Variants in CDK6 observed in about 807,000 individuals in gnomAD.
CDK6 encodes the protein cyclin-dependent kinase 6.
Under a neutral mutation model 37.1 loss-of-function variants are expected in CDK6, and 6 were observed. The ratio of observed to expected loss-of-function variants is 0.16; its 90% CI spans 0.09 to 0.32. CDK6 has a LOEUF of 0.32. Ranked by LOEUF, CDK6 falls within the 10% of genes least tolerant of loss-of-function variation. The probability of loss-of-function intolerance (pLI) is 1.00; values close to 1 mark genes in which losing one functional copy is unlikely to be tolerated. For missense variants in CDK6, 224 were observed against 418.9 expected (o/e 0.53, Z 4.06); for synonymous variants, 160 against 161.3 (o/e 0.99, Z 0.06).
At chr7:92,733,987 C>T (rs1798714253) in intron 3 of CDK6, among the ~76,000 whole-genome samples, 1 of 152,130 alleles carries the variant, frequency 6.6e-6, no homozygotes, top group African/African-American at 2.4e-5. Context: ...TGTGCACCAT[C>T]GTGTCTGGCA....
rs1795527468 is a variant in CDK6, at chr7:92,609,982, C to T, written c.*5158G>A. The T allele has an allele frequency of 8.7e-6, 2 of 229,642 alleles. No homozygotes were observed. The highest frequency in any genetic ancestry group is 1.8e-4 in the South Asian group (1 of 5,496). The allele number at this position is 229,642 out of a possible 1,614,324, so 14.2% of individuals were successfully genotyped here. On this transcript the variant is annotated 3_prime_UTR_variant, in exon 8 of 8. Coordinates refer to ENST00000424848, the MANE Select transcript of CDK6 (RefSeq NM_001145306.2). ...AGAGACTATTAATCATCCCAAAAAA[C>T]AAGTGCTAGGAAAGAGTTAAATATG... is the stretch of plus-strand genomic sequence containing the variant.
chr7:92,667,966 A>G (rs1399453793), intron 5 of CDK6, among the ~76,000 whole-genome samples: 1 of 152,240 alleles, frequency 6.6e-6, no homozygotes, highest in Non-Finnish European at 1.5e-5. Context: ...TACAGTGTTT[A>G]TAAAGTCTAC....
intron 5 of CDK6, among the ~76,000 whole-genome samples, chr7:92,670,874 G>A (rs897575439): frequency 5.3e-5 from 8 of 152,142 alleles, no homozygotes; most frequent in Non-Finnish European, 1.2e-4. Context: ...TGTAATTTCT[G>A]TATCCTTGGT....
intron 3 of CDK6, among the ~76,000 whole-genome samples, chr7:92,746,823 C>T (rs948144706): frequency 1.3e-5 from 2 of 152,044 alleles, no homozygotes; most frequent in African/African-American, 4.8e-5. Context: ...CTTTTCATTT[C>T]TCTTATTGTA....
chr7:92,816,023 G>C (rs1801021412), intron 2 of CDK6, among the ~76,000 whole-genome samples: 1 of 152,036 alleles, frequency 6.6e-6, no homozygotes, highest in Non-Finnish European at 1.5e-5. Flanking sequence ...CAACAAAAGA[G>C]ACAAACTAAA....
Position 92,774,818 on chromosome 7 carries a change from A to G in CDK6, c.247T>C (p.Cys83Arg). 6.2e-7 allele frequency: 1 copy of G among 1,609,196 alleles called. No individual in the cohort carries two copies. Among genetic ancestry groups the G allele is most frequent in the South Asian group, 1.1e-5 (1 of 89,742 alleles). ...TCTCTGTCTGTTCGTGACACTGTGCACACATCAAACAACCTAGAAGAAAAA... is the reference window on the plus strand; with the variant it reads ...TCTCTGTCTGTTCGTGACACTGTGCGCACATCAAACAACCTAGAAGAAAAA... Reference protein sequence around the residue: ...HPNVVRLFDVCTVSRTDRETK... With the variant: ...HPNVVRLFDVRTVSRTDRETK... Residue 83 changes from cysteine to arginine, a missense_variant, in exon 3 of 8, where the codon TGC (cysteine) becomes CGC (arginine). Physicochemically the swap from Cys to Arg is radical, Grantham distance 180. Transcript: ENST00000424848.
intron 2 of CDK6, among the ~76,000 whole-genome samples, chr7:92,800,125 T>G (rs956192770): frequency 1.3e-5 from 2 of 152,180 alleles, no homozygotes; most frequent in South Asian, 2.1e-4. Flanking sequence ...AACCTTCCTC[T>G]CATTTCAAGG....
Position 92,630,365 on chromosome 7 carries a change from C to T in CDK6, c.648-7279G>A, listed in dbSNP as rs536441810. ...TCCAATCACACTGTTCAGGGGGATT[C>T]TTAAGGCTGGGAAAGAAATGATGAT... On this transcript the variant is annotated intron_variant, in intron 5 of 7. Transcript: ENST00000424848. Among the ~76,000 whole-genome samples the T allele has an allele frequency of 7.2e-5, 11 of 151,852 alleles. No homozygotes were observed. In the East Asian group the frequency reaches 1.9e-3, roughly 27 times the overall value.
Position 92,759,396 on chromosome 7 carries a change from TGCCTCCACC to T in CDK6, c.369+15291_369+15299del, listed in dbSNP as rs367958624. On this transcript the variant is annotated intron_variant, in intron 3 of 7. Coordinates refer to ENST00000424848, the MANE Select transcript of CDK6 (RefSeq NM_001145306.2). ...GTTTCAGATTAGCATCAGGGCTTGCTGCCTCCACCTTAAGTGTATCTGCTTTGATGGCAT... is the reference window on the plus strand; with the variant it reads ...GTTTCAGATTAGCATCAGGGCTTGCTTTAAGTGTATCTGCTTTGATGGCAT... 1.5e-3 allele frequency among the ~76,000 whole-genome samples: 231 copies of T among 152,318 alleles called. 1 individual carries two copies. Among genetic ancestry groups the T allele is most frequent in the African/African-American group, 4.8e-3 (201 of 41,582 alleles).
Position 92,608,394 on chromosome 7 carries a change from A to G in CDK6, c.*6746T>C, listed in dbSNP as rs1795479449. On this transcript the variant is annotated 3_prime_UTR_variant, in exon 8 of 8. Transcript: ENST00000424848. Reference sequence around the variant, plus strand: ...AAAGAGAGAAAAGAAACTGGAAGCTAAAGAATTGAGAGCTTTTGCCAACTG... The same window carrying G: ...AAAGAGAGAAAAGAAACTGGAAGCTGAAGAATTGAGAGCTTTTGCCAACTG... 1 of 231,514 alleles carries G rather than the reference A, an allele frequency of 4.3e-6. No homozygotes were observed. Among genetic ancestry groups the G allele is most frequent in the African/African-American group, 2.2e-5 (1 of 45,400 alleles). The allele number at this position is 231,514 out of a possible 1,614,324, so 14.3% of individuals were successfully genotyped here.
chr7:92,709,957 G>A (rs779804562), intron 4 of CDK6, among the ~76,000 whole-genome samples: 4 of 152,300 alleles, frequency 2.6e-5, no homozygotes, highest in Non-Finnish European at 5.9e-5. Context: ...TGTGGAGCAC[G>A]TAAGGAAAAA....
chr7:92,732,114 A>G (rs1286071328), intron 3 of CDK6, among the ~76,000 whole-genome samples: 2 of 152,178 alleles, frequency 1.3e-5, no homozygotes, highest in South Asian at 2.1e-4. Context: ...TTCAACACAC[A>G]CTTTTCTATA....
chr7:92,781,261 C>G (rs933414324), intron 2 of CDK6, among the ~76,000 whole-genome samples: 2 of 152,248 alleles, frequency 1.3e-5, no homozygotes, highest in Non-Finnish European at 2.9e-5. Context: ...CTTGCTGTCT[C>G]TATTGTCCTG....
Position 92,706,820 on chromosome 7 carries a change from G to C in CDK6, c.537+18806C>G, listed in dbSNP as rs574357430. ...TTCTTAGATTCTCAGTGAAAATTCT[G>C]CAACTGTCTGGATTTGTGCATTCAA... On this transcript the variant is annotated intron_variant, in intron 4 of 7. Coordinates refer to ENST00000424848, the MANE Select transcript of CDK6 (RefSeq NM_001145306.2). Among the ~76,000 whole-genome samples, 54 of 152,286 alleles carry C rather than the reference G, an allele frequency of 3.5e-4. No homozygotes were observed. The South Asian group carries it at 4.1e-3, about 12-fold the overall frequency.
chr7:92,676,050 ATTGTT>A (rs1585390288), intron 4 of CDK6, among the ~76,000 whole-genome samples: 3 of 151,792 alleles, frequency 2.0e-5, no homozygotes, highest in African/African-American at 7.2e-5. Flanking sequence ...TGGGAGGATT[ATTGTT>A]TTATTTTATA....
chr7:92,618,783 A>T (rs3731370), intron 6 of CDK6, among the ~76,000 whole-genome samples: 2,802 of 152,328 alleles, frequency 0.018, 31 homozygotes, highest in Non-Finnish European at 0.028. Context: ...TTATACAAAC[A>T]TGATTTTATA....
intron 5 of CDK6, among the ~76,000 whole-genome samples, chr7:92,630,689 G>C (rs1320170730): frequency 6.6e-6 from 1 of 152,118 alleles, no homozygotes; most frequent in Non-Finnish European, 1.5e-5. Context: ...ACACTCCGGG[G>C]AATACTGTCT....
chr7:92,781,714 A>G (rs1379557009), intron 2 of CDK6, among the ~76,000 whole-genome samples: 1 of 152,186 alleles, frequency 6.6e-6, no homozygotes, highest in Non-Finnish European at 1.5e-5. Context: ...ATGTTTGGAC[A>G]TCAAATAGTT....
At chr7:92,640,490 C>T (rs562160989) in intron 5 of CDK6, among the ~76,000 whole-genome samples, 8 of 152,236 alleles carry the variant, frequency 5.3e-5, no homozygotes, top group Non-Finnish European at 1.0e-4. Context: ...TTGGAGCTTC[C>T]CGTATCAACA....
Sources: gnomAD v4.1 joint callset for allele counts (sites outside exome capture counted in the v4.1 genomes callset) on GRCh38, gnomAD v4.1.1 for gene constraint, MANE v1.5 for transcripts, NCBI Gene and HGNC (gene_info 2026-07-23, HGNC 2026-07-21) for gene names.